CDH23: variants seen among roughly 807,000 people sequenced by gnomAD.
CDH23 encodes cadherin-23.
In CDH23, 189 loss-of-function variants were observed where a neutral mutation model predicts 317.1. That is an observed-to-expected ratio of 0.60 (90% CI 0.53 to 0.67). CDH23 has a LOEUF of 0.67. Among genes scored for constraint, CDH23 ranks in the 30% least tolerant of loss-of-function variants. The probability of loss-of-function intolerance (pLI) is 0.00; values close to 1 mark genes in which losing one functional copy is unlikely to be tolerated. For missense variants in CDH23, 4,401 were observed against 4,592.4 expected (o/e 0.96, Z 1.20); for synonymous variants, 1,839 against 1,876.8 (o/e 0.98, Z 0.52).
Position 71,799,265 on chromosome 10 carries a change from C to A in CDH23, c.7209C>A (p.Asp2403Glu), listed in dbSNP as rs373372629. Residue 2403 changes from aspartate to glutamate, a missense_variant, in exon 51 of 70, where the codon GAC becomes GAA. Around this residue, in one of 3 missense-constraint regions of CDH23, gnomAD observed 189 missense variants for 250.9 expected, o/e 0.75. Coordinates refer to ENST00000224721, the MANE Select transcript of CDH23 (RefSeq NM_022124.6). ...TCAATGACAACAACCCCATCTTTGA[C>A]CAGCCCTCCTACCAGGTGGGTGGCC... ...VDINDNNPIF[D>E]QPSYQEAVFE... is the part of the protein sequence containing the mutation. 3.1e-6 allele frequency: 5 copies of A among 1,614,058 alleles called. No individual in the cohort carries two copies. In the African/African-American group the frequency reaches 6.7e-5, roughly 22 times the overall value.
At chr10:71,797,360 C>T in intron 49 of CDH23, 140 bp downstream of exon 49, 1 of 629,818 alleles carries the variant, frequency 1.6e-6, no homozygotes, top group Non-Finnish European at 2.8e-6. Flanking sequence ...TCAGGCAACA[C>T]AAGAGGCATG....
chr10:71,579,946 G>A (rs1179979806), intron 9 of CDH23, among the ~76,000 whole-genome samples: 1 of 152,174 alleles, frequency 6.6e-6, no homozygotes, highest in East Asian at 1.9e-4. Context: ...TCTCTTATGT[G>A]CTCACAGCCT....
intron 6 of CDH23, among the ~76,000 whole-genome samples, chr10:71,539,064 A>C (rs1279370113): frequency 6.6e-6 from 1 of 152,230 alleles, no homozygotes; most frequent in Admixed American, 6.5e-5. Context: ...CTTCCAGTCC[A>C]GACATGAATC....
intron 34 of CDH23, among the ~76,000 whole-genome samples, chr10:71,735,787 C>T (rs912346559): frequency 2.0e-5 from 3 of 152,324 alleles, no homozygotes; most frequent in African/African-American, 2.4e-5. Context: ...CCCCTCCATC[C>T]GTGGGGCCAG....
intron 38 of CDH23, among the ~76,000 whole-genome samples, chr10:71,746,422 T>A (rs1839854486): frequency 6.6e-6 from 1 of 152,182 alleles, no homozygotes; most frequent in African/African-American, 2.4e-5. Flanking sequence ...CCTCAGCCCA[T>A]ATCACCCGAA....
chr10:71,708,998 G>A, intron 26 of CDH23, 100 bp from the exon 27 acceptor site: 1 of 1,050,426 alleles, frequency 9.5e-7, no homozygotes, highest in Admixed American at 1.9e-5. Context: ...TCCCACTCCT[G>A]GACTCACCAT....
At chr10:71,760,758 G>C in intron 38 of CDH23, 2 of 977,260 alleles carry the variant, frequency 2.0e-6, no homozygotes, top group South Asian at 1.3e-5. Context: ...AGGACCGGGG[G>C]GTTCTGAGGG....
At chr10:71,697,925 A>C (rs1213064159) in intron 22 of CDH23, among the ~76,000 whole-genome samples, 1 of 152,230 alleles carries the variant, frequency 6.6e-6, no homozygotes, top group Non-Finnish European at 1.5e-5. Context: ...TTGGTGCCCC[A>C]GGGTAGTATT....
At chr10:71,665,268 A>C (rs968023004) in intron 14 of CDH23, among the ~76,000 whole-genome samples, 9 of 152,188 alleles carry the variant, frequency 5.9e-5, no homozygotes, top group African/African-American at 1.7e-4. Flanking sequence ...CAGATTCCAA[A>C]CATACCTGGA....
chr10:71,685,651 G>A (rs1191103873), intron 18 of CDH23, among the ~76,000 whole-genome samples: 1 of 152,230 alleles, frequency 6.6e-6, no homozygotes, highest in East Asian at 1.9e-4. Flanking sequence ...CCATCCCAGG[G>A]ACAAGCAGGG....
intron 1 of CDH23, among the ~76,000 whole-genome samples, chr10:71,400,462 G>A (rs1847729836): frequency 6.6e-6 from 1 of 151,700 alleles, no homozygotes. Flanking sequence ...GCGAGCTAAT[G>A]TGAAGACATT....
rs770012708 is a variant in CDH23 at position 71,785,149 on chromosome 10, A to C, written c.5712+49A>C. 23 of 1,510,546 alleles carry C rather than the reference A, an allele frequency of 1.5e-5. No homozygotes were observed. In the East Asian group the frequency reaches 5.2e-4, roughly 34 times the overall value. The allele number at this position is 1,510,546 out of a possible 1,614,324, so 93.6% of individuals were successfully genotyped here. On this transcript the variant is annotated intron_variant, in intron 43 of 69. Transcript: ENST00000224721. The stretch of plus-strand genomic sequence containing the variant: ...GAGCTTCCCAGGGTTTCCAGTGAAA[A>C]AGAGGACCCTGCCCTAGAGGCTTTT...
At chr10:71,808,340 A>G (rs79452292) in intron 60 of CDH23, among the ~76,000 whole-genome samples, 2,628 of 151,818 alleles carry the variant, frequency 0.017, 39 homozygotes, top group Non-Finnish European at 0.025. Flanking sequence ...TTATCCTTCC[A>G]TCCGTCCATC....
intron 12 of CDH23, 26 bp downstream of exon 12, chr10:71,643,892 G>T (rs768655258): frequency 2.6e-6 from 2 of 766,026 alleles, no homozygotes; most frequent in Admixed American, 3.4e-5. Flanking sequence ...AAGGGCAGGG[G>T]TTGGGCTTGG....
chr10:71,544,218 G>A (rs1856145891), intron 6 of CDH23, among the ~76,000 whole-genome samples: 1 of 152,194 alleles, frequency 6.6e-6, no homozygotes, highest in African/African-American at 2.4e-5. Context: ...ATGCAGGAGA[G>A]GTGGACGGGA....
At chr10:71,795,459 C>G (rs1760271364) in intron 48 of CDH23, 4 of 152,310 alleles carry the variant, frequency 2.6e-5, no homozygotes, top group Admixed American at 6.5e-5. Flanking sequence ...AGGCTCTGCT[C>G]AATCCCCTAC....
At chr10:71,638,182 A>C (rs570237958) in intron 11 of CDH23, among the ~76,000 whole-genome samples, 2 of 152,306 alleles carry the variant, frequency 1.3e-5, no homozygotes, top group South Asian at 4.1e-4. Context: ...TTGAGGCTTC[A>C]GGAGAGGAAG....
intron 18 of CDH23, among the ~76,000 whole-genome samples, chr10:71,684,104 C>CA (rs753856157): frequency 2.0e-3 from 93 of 47,430 alleles, no homozygotes; most frequent in Non-Finnish European, 5.1e-3. Flanking sequence ...AACAAACAAA[C>CA]AACAACAAAA....
At chr10:71,720,698 G>A (rs569107673) in intron 28 of CDH23, among the ~76,000 whole-genome samples, 3 of 152,330 alleles carry the variant, frequency 2.0e-5, no homozygotes, top group Admixed American at 2.0e-4. Context: ...GGCACTGTCT[G>A]CCAACCCCAA....
Sources: gnomAD v4.1 joint callset for allele counts (sites outside exome capture counted in the v4.1 genomes callset) on GRCh38, gnomAD v4.1.1 for gene constraint, gnomAD v4.1.1 regional missense constraint, MANE v1.5 for transcripts, NCBI Gene and HGNC (gene_info 2026-07-23, HGNC 2026-07-21) for gene names.